The following SPCS3 variants were observed in gnomAD, a reference collection of about 807,000 sequenced individuals.
SPCS3 encodes the protein signal peptidase complex subunit 3.
A neutral mutation model predicts 17.2 loss-of-function variants in SPCS3; 9 were observed. The ratio of observed to expected loss-of-function variants is 0.52; its 90% CI spans 0.31 to 0.91. The LOEUF is 0.91. Ranked by LOEUF, SPCS3 falls within the 40% of genes least tolerant of loss-of-function variation. The probability of loss-of-function intolerance (pLI) is 0.04; values close to 1 mark genes in which losing one functional copy is unlikely to be tolerated. For missense variants in SPCS3, 139 were observed against 217.5 expected, an observed-to-expected ratio of 0.64 and a Z score of 2.27; for synonymous variants, 87 against 89.6, an observed-to-expected ratio of 0.97 and a Z score of 0.16.
At chr4:176,328,165 CTGATG>C in intron 4 of SPCS3, 28 bp from the exon 5 acceptor site, 1 of 1,603,898 alleles carries the variant, frequency 6.2e-7, no homozygotes, top group Middle Eastern at 1.7e-4. Context: ...ACTAGTGTCT[CTGATG>C]ACTTGTGTTT....
Position 176,320,235 on chromosome 4 carries a change from C to T in SPCS3, c.143+16C>T. The T allele has an allele frequency of 2.6e-6, 4 of 1,543,980 alleles. No individual in the cohort carries two copies. The highest frequency in any genetic ancestry group is 3.5e-6 in the Non-Finnish European group (4 of 1,145,816). ...GGATCATGCTGTGAGTGAGGCCGGG[C>T]CGGCGGTGCAGGACGCCGGGACCGG... On this transcript the variant is annotated intron_variant, in intron 1 of 4. Coordinates refer to ENST00000503362, the MANE Select transcript of SPCS3 (RefSeq NM_021928.4).
chr4:176,322,782 A>G (rs908215706), intron 2 of SPCS3, among the ~76,000 whole-genome samples: 4 of 152,174 alleles, frequency 2.6e-5, no homozygotes, highest in African/African-American at 9.6e-5. Context: ...ATTAACAATT[A>G]TAAGAGTTTC....
chr4:176,322,141 G>C, intron 1 of SPCS3, 29 bp from the exon 2 acceptor site: 1 of 1,420,320 alleles, frequency 7.0e-7, no homozygotes, highest in Non-Finnish European at 9.9e-7. Context: ...CTGTTGGAAG[G>C]ATGGTAAAAC....
chr4:176,320,239 CGGTGCAGGACGCCGGGACCGGGCTGGG>C lies in SPCS3; in HGVS notation c.143+22_143+48del, dbSNP rs1731516840. The C allele has an allele frequency of 4.6e-6, 7 of 1,524,666 alleles. No homozygotes were observed. The highest frequency in any genetic ancestry group is 6.2e-6 in the Non-Finnish European group (7 of 1,134,934). 94.4% of individuals were successfully genotyped at this position (1,524,666 alleles called of 1,614,324 possible). On this transcript the variant is annotated intron_variant, in intron 1 of 4. Transcript: ENST00000503362. ...CATGCTGTGAGTGAGGCCGGGCCGG[CGGTGCAGGACGCCGGGACCGGGCTGGG>C]GCGGAAGCCGAAGCCGGGCCGCCGC...
chr4:176,328,436 GTT>G lies in SPCS3; in HGVS notation c.*124_*125del, dbSNP rs55821823. 0.12 allele frequency: 57,170 copies of G among 468,850 alleles called. 1,592 individuals carry two copies. The highest frequency in any genetic ancestry group is 0.14 in the Non-Finnish European group (45,914 of 326,970). The allele number at this position is 468,850 out of a possible 1,614,324, so 29.0% of individuals were successfully genotyped here. A position where few individuals can be genotyped will look rare whatever the true frequency, so the allele number is the denominator to read the frequency against. On this transcript the variant is annotated 3_prime_UTR_variant, in exon 5 of 5. Transcript: ENST00000503362. ...TTGTTGGTTTGTTTTTTGGTTTTGGGTTTTTTTTTTTTTTTTTTTGGTATAAG... is the reference window on the plus strand; with the variant it reads ...TTGTTGGTTTGTTTTTTGGTTTTGGGTTTTTTTTTTTTTTTTTGGTATAAG...
rs1731665474 is a variant in SPCS3, at chr4:176,330,191, A to G, written c.*1861A>G. The G allele has an allele frequency of 6.6e-6, 1 of 152,242 alleles. No individual in the cohort carries two copies. Among genetic ancestry groups the G allele is most frequent in the Non-Finnish European group, 1.5e-5 (1 of 68,032 alleles). 9.4% of individuals were successfully genotyped at this position (152,242 alleles called of 1,614,324 possible). A position where few individuals can be genotyped will look rare whatever the true frequency, so the allele number is the denominator to read the frequency against. On this transcript the variant is annotated 3_prime_UTR_variant, in exon 5 of 5. Transcript: ENST00000503362. ...AGACAGGAAAACGAATGAAAGTCTAACACATAACTCATATTGATTTACTTT... is the reference window on the plus strand; with the variant it reads ...AGACAGGAAAACGAATGAAAGTCTAGCACATAACTCATATTGATTTACTTT...
intron 4 of SPCS3, 129 bp from the exon 5 acceptor site, chr4:176,328,069 A>C (rs1463090706): frequency 9.6e-6 from 8 of 830,648 alleles, no homozygotes; most frequent in Non-Finnish European, 1.5e-5. Context: ...TTTGCAGATT[A>C]ACATATTAGG....
intron 2 of SPCS3, among the ~76,000 whole-genome samples, chr4:176,322,573 C>G (rs1003823370): frequency 6.6e-6 from 1 of 152,022 alleles, no homozygotes; most frequent in Non-Finnish European, 1.5e-5. Flanking sequence ...ATTACCAATG[C>G]TCAGCCTGCC....
chr4:176,322,131 C>T (rs776113975), intron 1 of SPCS3, 39 bp from the exon 2 acceptor site: 2 of 1,332,656 alleles, frequency 1.5e-6, no homozygotes, highest in Non-Finnish European at 2.2e-6. Flanking sequence ...TGTGTATGTT[C>T]TGTTGGAAGG....
intron 3 of SPCS3, among the ~76,000 whole-genome samples, chr4:176,326,079 C>T (rs1731602458): frequency 6.6e-6 from 1 of 152,064 alleles, no homozygotes. Flanking sequence ...GCAGGTGGAC[C>T]ACCTGAGGTC....
At position 176,331,814 on chromosome 4, in the gene SPCS3, C is replaced by G. The variant is rs1731691596; in HGVS notation, c.*3484C>G. 2 of 152,166 alleles carry G rather than the reference C, an allele frequency of 1.3e-5. No individual in the cohort carries two copies. The highest frequency in any genetic ancestry group is 2.9e-5 in the Non-Finnish European group (2 of 68,042). The allele number at this position is 152,166 out of a possible 1,614,324, so 9.4% of individuals were successfully genotyped here. ...ATGTTGGCCAGGCTGGTCTCAAACT[C>G]CTGACCTCAAGTGATCCACCTGCCT... On this transcript the variant is annotated 3_prime_UTR_variant, in exon 5 of 5. Coordinates refer to ENST00000503362, the MANE Select transcript of SPCS3 (RefSeq NM_021928.4).
At chr4:176,325,691 C>G (rs1018831147) in intron 3 of SPCS3, among the ~76,000 whole-genome samples, 5 of 151,978 alleles carry the variant, frequency 3.3e-5, no homozygotes, top group African/African-American at 1.2e-4. Flanking sequence ...GCATGGGATT[C>G]ATTAATCTGA....
intron 4 of SPCS3, 184 bp downstream of exon 4, chr4:176,327,461 C>A: frequency 2.4e-6 from 1 of 410,284 alleles, no homozygotes. Flanking sequence ...AAGCAATTCT[C>A]TTGCAGTTTC....
intron 2 of SPCS3, among the ~76,000 whole-genome samples, chr4:176,322,493 A>G (rs1731551295): frequency 6.6e-6 from 1 of 152,182 alleles, no homozygotes; most frequent in Non-Finnish European, 1.5e-5. Context: ...TGAAAACTAC[A>G]TAAGAAAGTT....
chr4:176,329,305 TAAG>T lies in SPCS3; in HGVS notation c.*978_*980del, dbSNP rs1731651556. The stretch of plus-strand genomic sequence containing the variant: ...AGTATAAGTGTTAGCTCTTTGCAGA[TAAG>T]AAACTGAAACCCAGAAGTTTATTGA... On this transcript the variant is annotated 3_prime_UTR_variant, in exon 5 of 5. Coordinates refer to ENST00000503362, the MANE Select transcript of SPCS3 (RefSeq NM_021928.4). The T allele has an allele frequency of 6.6e-6, 1 of 152,124 alleles. No individual in the cohort carries two copies. Among genetic ancestry groups the T allele is most frequent in the Admixed American group, 6.5e-5 (1 of 15,276 alleles). The allele number at this position is 152,124 out of a possible 1,614,324, so 9.4% of individuals were successfully genotyped here.
chr4:176,328,323 G>T lies in SPCS3; in HGVS notation c.536G>T (p.Ser179Ile), dbSNP rs748571058. Residue 179 changes from serine to isoleucine, a missense_variant, in exon 5 of 5, where the codon AGT becomes ATT. Coordinates refer to ENST00000503362, the MANE Select transcript of SPCS3 (RefSeq NM_021928.4). ...CCAGATACATATGAAATAACGAAGA[G>T]TTATTAAATTATTCTGAATTTGAAA... ...PFPDTYEITKSY is the reference protein window; with the variant it reads ...PFPDTYEITKIY 1 of 1,574,246 alleles carries T rather than the reference G, an allele frequency of 6.4e-7. No homozygotes were observed. Among genetic ancestry groups the T allele is most frequent in the East Asian group, 2.3e-5 (1 of 43,366 alleles).
intron 3 of SPCS3, 56 bp downstream of exon 3, chr4:176,324,313 G>T: frequency 2.5e-6 from 2 of 791,272 alleles, no homozygotes; most frequent in South Asian, 2.6e-5. Flanking sequence ...TACTCTTTAC[G>T]AAAGAATACA....
chr4:176,323,703 A>G (rs1004279585), intron 2 of SPCS3, among the ~76,000 whole-genome samples: 10 of 152,114 alleles, frequency 6.6e-5, no homozygotes, highest in Non-Finnish European at 2.9e-5. Context: ...CTTGCATGTG[A>G]CCAAAAGTGA....
At position 176,324,215 on chromosome 4, in the gene SPCS3, G is replaced by A. The variant is rs1359416721; in HGVS notation, c.252G>A (p.Gln84=). The change falls in exon 3 of 5, where the codon CAG becomes CAA. Residue 84 remains glutamine (Q), a synonymous_variant. Transcript: ENST00000503362. The part of the protein sequence containing the change: ...LENIFDWNVK[Q]LFLYLSAEYS... ...ATATATTTGATTGGAATGTTAAGCAGTTGTTTCTTTATTTATCAGCAGAAT... is the reference window on the plus strand; with the variant it reads ...ATATATTTGATTGGAATGTTAAGCAATTGTTTCTTTATTTATCAGCAGAAT... The A allele has an allele frequency of 8.4e-7, 1 of 1,186,402 alleles. No individual in the cohort carries two copies. The highest frequency in any genetic ancestry group is 1.2e-6 in the Non-Finnish European group (1 of 864,176). The allele number at this position is 1,186,402 out of a possible 1,614,324, so 73.5% of individuals were successfully genotyped here. A position where few individuals can be genotyped will look rare whatever the true frequency, so the allele number is the denominator to read the frequency against.
Sources: gnomAD v4.1 joint callset for allele counts (sites outside exome capture counted in the v4.1 genomes callset) on GRCh38, gnomAD v4.1.1 for gene constraint, MANE v1.5 for transcripts, NCBI Gene and HGNC (gene_info 2026-07-23, HGNC 2026-07-21) for gene names.